The following TPH1 variants were observed in gnomAD, a reference collection of about 807,000 sequenced individuals.
The protein encoded by TPH1 is tryptophan hydroxylase 1, also known as tryptophan 5-hydroxylase 1.
In TPH1, 37 loss-of-function variants were observed where a neutral mutation model predicts 49.5. The observed-to-expected ratio is 0.75, with a 90% CI of 0.58 to 0.98. The LOEUF (loss-of-function observed/expected upper bound fraction) is 0.98, where lower values mean the gene tolerates loss of function less well. Ranked by LOEUF, TPH1 falls within the 50% of genes least tolerant of loss-of-function variation. The pLI is 0.00. For missense variants in TPH1, 487 were observed against 523.6 expected (o/e 0.93, Z 0.68); for synonymous variants, 160 against 182.1 (o/e 0.88, Z 0.98).
chr11:18,033,896 T>C (rs1205613402), intron 3 of TPH1, among the ~76,000 whole-genome samples: 1 of 152,084 alleles, frequency 6.6e-6, no homozygotes, highest in African/African-American at 2.4e-5. Context: ...TCCACTCCCA[T>C]TCCCTGCCCC....
chr11:18,019,342 T>G lies in TPH1; in HGVS notation c.*1649A>C. On this transcript the variant is annotated 3_prime_UTR_variant, in exon 11 of 11. Coordinates refer to ENST00000682019, the MANE Select transcript of TPH1 (RefSeq NM_004179.3). ...AACCTAAAAATGATTGAAAATACGA[T>G]GTTTAATATACCATTAATGGAAATT... The G allele has an allele frequency of 5.7e-6, 1 of 174,470 alleles. No individual in the cohort carries two copies. The highest frequency in any genetic ancestry group is 1.3e-4 in the South Asian group (1 of 7,648). The allele number at this position is 174,470 out of a possible 1,614,324, so 10.8% of individuals were successfully genotyped here. A position where few individuals can be genotyped will look rare whatever the true frequency, so the allele number is the denominator to read the frequency against.
At chr11:18,031,162 GTCTATT>G (rs1481534542) in intron 4 of TPH1, among the ~76,000 whole-genome samples, 1 of 152,072 alleles carries the variant, frequency 6.6e-6, no homozygotes, top group African/African-American at 2.4e-5. Flanking sequence ...GTAATCCACT[GTCTATT>G]TCTATGTATT....
chr11:18,019,887 A>C lies in TPH1; in HGVS notation c.*1104T>G, dbSNP rs1854337932. The C allele has an allele frequency of 5.2e-6, 2 of 384,796 alleles. No homozygotes were observed. The highest frequency in any genetic ancestry group is 1.0e-5 in the Non-Finnish European group (2 of 194,606). The allele number at this position is 384,796 out of a possible 1,614,324, so 23.8% of individuals were successfully genotyped here. On this transcript the variant is annotated 3_prime_UTR_variant, in exon 11 of 11. Transcript: ENST00000682019. Reference sequence around the variant, plus strand: ...CCTTGGCAATCCTTACATTACTTACAGTCTCAGTCCTAAACCACTCTTCTT... The same window carrying C: ...CCTTGGCAATCCTTACATTACTTACCGTCTCAGTCCTAAACCACTCTTCTT...
rs78543534 is a variant in TPH1 at position 18,026,477 on chromosome 11, T to C, written c.803+13A>G. ...CCATTTGATGAATTCCTGGCTGAAA[T>C]AGAAGTACTTACGGCTCTGGGGTAT... is the stretch of plus-strand genomic sequence containing the variant. On this transcript the variant is annotated intron_variant, in intron 7 of 10. Transcript: ENST00000682019. 10,646 of 1,593,458 alleles carry C rather than the reference T, an allele frequency of 6.7e-3. 637 individuals carry two copies. In the African/African-American group the frequency reaches 0.13, roughly 19 times the overall value.
chr11:18,035,912 A>T (rs770915762), intron 3 of TPH1, 47 bp downstream of exon 3: 12 of 1,438,966 alleles, frequency 8.3e-6, no homozygotes, highest in Non-Finnish European at 1.1e-5. Context: ...CTGGACACAC[A>T]TTAGGTGTTT....
intron 3 of TPH1, among the ~76,000 whole-genome samples, chr11:18,035,256 C>T (rs924217369): frequency 6.6e-6 from 1 of 152,148 alleles, no homozygotes; most frequent in Non-Finnish European, 1.5e-5. Context: ...TTACTAAGTG[C>T]TCAGGGATTG....
chr11:18,029,655 T>C (rs1847965545), intron 4 of TPH1, 76 bp from the exon 5 acceptor site: 1 of 1,180,092 alleles, frequency 8.5e-7, no homozygotes, highest in Non-Finnish European at 1.3e-6. Context: ...AACATTTCAT[T>C]ATTACTAGAG....
chr11:18,036,512 G>A (rs956566172), intron 2 of TPH1, among the ~76,000 whole-genome samples: 4 of 152,168 alleles, frequency 2.6e-5, no homozygotes, highest in African/African-American at 9.7e-5. Context: ...TAGTCCTGGA[G>A]AAAGAAGAGT....
At position 18,026,356 on chromosome 11, in the gene TPH1, T is replaced by C. The variant is rs779324659; in HGVS notation, c.803+134A>G. On this transcript the variant is annotated intron_variant, in intron 7 of 10. Coordinates refer to ENST00000682019, the MANE Select transcript of TPH1 (RefSeq NM_004179.3). ...ATTTCATGCCAGGTACCATTCTAAATGCTTCACATGTGCTAATTTATTTAA... is the reference window on the plus strand; with the variant it reads ...ATTTCATGCCAGGTACCATTCTAAACGCTTCACATGTGCTAATTTATTTAA... The C allele has an allele frequency of 4.4e-5, 38 of 855,344 alleles. No homozygotes were observed. The Admixed American group carries it at 5.4e-4, about 12-fold the overall frequency. 53.0% of individuals were successfully genotyped at this position (855,344 alleles called of 1,614,324 possible).
Position 18,035,863 on chromosome 11 carries a change from G to C in TPH1, c.301+96C>G, listed in dbSNP as rs142453461. 157 of 1,060,778 alleles carry C rather than the reference G, an allele frequency of 1.5e-4. No individual in the cohort carries two copies. In the African/African-American group the frequency reaches 2.2e-3, roughly 15 times the overall value. 65.7% of individuals were successfully genotyped at this position (1,060,778 alleles called of 1,614,324 possible). A position where few individuals can be genotyped will look rare whatever the true frequency, so the allele number is the denominator to read the frequency against. On this transcript the variant is annotated intron_variant, in intron 3 of 10. Transcript: ENST00000682019. ...AGACTGTAAGCAATTTGGAGAGCTT[G>C]TGTTTTATTATTTTAATGTCTTCAA...
Position 18,017,849 on chromosome 11 carries a change from G to A in TPH1, c.*3142C>T, listed in dbSNP as rs1032780836. The A allele has an allele frequency of 1.3e-5, 2 of 152,178 alleles. No homozygotes were observed. The highest frequency in any genetic ancestry group is 4.8e-5 in the African/African-American group (2 of 41,446). The allele number at this position is 152,178 out of a possible 1,614,324, so 9.4% of individuals were successfully genotyped here. A position where few individuals can be genotyped will look rare whatever the true frequency, so the allele number is the denominator to read the frequency against. On this transcript the variant is annotated 3_prime_UTR_variant, in exon 11 of 11. Coordinates refer to ENST00000682019, the MANE Select transcript of TPH1 (RefSeq NM_004179.3). ...CAGAATATGTAGATAAAGAAATGTA[G>A]GTATTCTGAAGACCAGCTTTTGAGC...
At chr11:18,029,415 C>T in intron 5 of TPH1, 54 bp from the exon 6 acceptor site, 3 of 1,557,142 alleles carry the variant, frequency 1.9e-6, no homozygotes, top group Non-Finnish European at 2.7e-6. Flanking sequence ...TAAATAGTGG[C>T]ACTTATTTCA....
chr11:18,027,084 C>G (rs1022520521), intron 6 of TPH1, among the ~76,000 whole-genome samples: 6 of 152,184 alleles, frequency 3.9e-5, no homozygotes, highest in African/African-American at 1.2e-4. Context: ...ATTTTTGAAG[C>G]TGTGCCATTT....
At position 18,029,592 on chromosome 11, in the gene TPH1, G is replaced by A; in HGVS notation, c.403-13C>T. The A allele has an allele frequency of 1.2e-6, 2 of 1,605,042 alleles. 1 individual carries two copies. The highest frequency in any genetic ancestry group is 2.2e-5 in the South Asian group (2 of 90,340). ...TGTCTTTGAAGCCCTGATAATTAAAGATATGTTTTTAAATATCCATACTAA... is the reference window on the plus strand; with the variant it reads ...TGTCTTTGAAGCCCTGATAATTAAAAATATGTTTTTAAATATCCATACTAA... On this transcript the variant is annotated splice_polypyrimidine_tract_variant and intron_variant, in intron 4 of 10. Coordinates refer to ENST00000682019, the MANE Select transcript of TPH1 (RefSeq NM_004179.3).
chr11:18,041,427 A>C (rs1848097724), intron 1 of TPH1: 1 of 152,308 alleles, frequency 6.6e-6, no homozygotes, highest in Non-Finnish European at 1.5e-5. Flanking sequence ...TGGAATGTGA[A>C]GTCAGACATA....
intron 2 of TPH1, among the ~76,000 whole-genome samples, chr11:18,039,416 G>T (rs1848077690): frequency 6.6e-6 from 1 of 152,156 alleles, no homozygotes; most frequent in African/African-American, 2.4e-5. Flanking sequence ...ACAGAGCAAG[G>T]ATATGAATCC....
At chr11:18,031,090 A>G (rs1847985125) in intron 4 of TPH1, among the ~76,000 whole-genome samples, 1 of 152,142 alleles carries the variant, frequency 6.6e-6, no homozygotes, top group Non-Finnish European at 1.5e-5. Context: ...AAAAAGAAAC[A>G]CCATGCTCAT....
At position 18,019,706 on chromosome 11, in the gene TPH1, G is replaced by C. The variant is rs907445529; in HGVS notation, c.*1285C>G. The C allele has an allele frequency of 2.2e-6, 1 of 463,330 alleles. No homozygotes were observed. Among genetic ancestry groups the C allele is most frequent in the Non-Finnish European group, 4.3e-6 (1 of 230,510 alleles). 28.7% of individuals were successfully genotyped at this position (463,330 alleles called of 1,614,324 possible). A position where few individuals can be genotyped will look rare whatever the true frequency, so the allele number is the denominator to read the frequency against. On this transcript the variant is annotated 3_prime_UTR_variant, in exon 11 of 11. Transcript: ENST00000682019. The stretch of plus-strand genomic sequence containing the variant: ...ATGGCAAAAAGAGTAGAAGTGCAAA[G>C]ACAGAAACTTGAAGAACATCTTCAT...
At chr11:18,026,453 C>G (rs189228396) in intron 7 of TPH1, 37 bp downstream of exon 7, 4 of 1,471,558 alleles carry the variant, frequency 2.7e-6, no homozygotes, top group Admixed American at 1.7e-5. Flanking sequence ...TATAAATAAC[C>G]ATTTGATGAA....
Sources: allele counts gnomAD v4.1 joint callset (sites outside exome capture counted in the v4.1 genomes callset), GRCh38; gene constraint gnomAD v4.1.1; transcripts MANE v1.5; gene names NCBI Gene and HGNC (gene_info 2026-07-23, HGNC 2026-07-21).